Variants in HIGD1A observed in about 807,000 individuals in gnomAD.
HIGD1A encodes HIG1 domain family member 1A, mitochondrial.
A neutral mutation model predicts 11.3 loss-of-function variants in HIGD1A; 8 were observed. The observed-to-expected ratio is 0.71, with a 90% CI of 0.42 to 1.28. The LOEUF is 1.28. HIGD1A is among the 50% of genes most tolerant of loss of function. The probability of loss-of-function intolerance (pLI) is 0.01; values close to 1 mark genes in which losing one functional copy is unlikely to be tolerated. For missense variants in HIGD1A, 107 were observed against 118.8 expected (o/e 0.90, Z 0.46); for synonymous variants, 32 against 38.4 (o/e 0.83, Z 0.62).
chr3:42,793,105 T>C (rs1034195927), intron 2 of HIGD1A, among the ~76,000 whole-genome samples: 4 of 151,826 alleles, frequency 2.6e-5, no homozygotes, highest in Admixed American at 6.6e-5. Context: ...AAAAAACAAC[T>C]GGAGAAATAT....
intron 2 of HIGD1A, among the ~76,000 whole-genome samples, chr3:42,792,350 T>C (rs1257867690): frequency 6.6e-6 from 1 of 152,224 alleles, no homozygotes; most frequent in East Asian, 1.9e-4. Context: ...ACAACAGTAA[T>C]TTATATCATA....
chr3:42,791,179 T>C (rs1700417767), intron 2 of HIGD1A, among the ~76,000 whole-genome samples: 1 of 152,190 alleles, frequency 6.6e-6, no homozygotes, highest in Admixed American at 6.5e-5. Context: ...CCCAAATCAC[T>C]GTGATAGAAA....
chr3:42,788,843 A>C (rs1276664664), intron 2 of HIGD1A, among the ~76,000 whole-genome samples: 1 of 151,660 alleles, frequency 6.6e-6, no homozygotes, highest in East Asian at 2.0e-4. Context: ...CTGCCACTGC[A>C]CTCCAGCCTG....
intron 2 of HIGD1A, 118 bp from the exon 3 acceptor site, chr3:42,786,280 C>A: frequency 8.5e-7 from 1 of 1,172,938 alleles, no homozygotes. Flanking sequence ...CATTAATTAG[C>A]TAACATACAA....
intron 1 of HIGD1A, among the ~76,000 whole-genome samples, chr3:42,800,924 T>A (rs1207719458): frequency 6.6e-6 from 1 of 152,214 alleles, no homozygotes; most frequent in African/African-American, 2.4e-5. Context: ...GCTCCTGTCA[T>A]TTATCATTCT....
Position 42,783,432 on chromosome 3 carries a change from T to C in HIGD1A, c.*1839A>G, listed in dbSNP as rs996536201. 3.3e-5 allele frequency among the ~76,000 whole-genome samples: 5 copies of C among 152,044 alleles called. No individual in the cohort carries two copies. Among genetic ancestry groups the C allele is most frequent in the African/African-American group, 1.2e-4 (5 of 41,478 alleles). On this transcript the variant is annotated 3_prime_UTR_variant, in exon 4 of 4. Transcript: ENST00000321331. Reference sequence around the variant, plus strand: ...GCCAGGAGTTCAAGATCATCCAACATGGTGAAACCTCGCCTTTACTAAAAA... The same window carrying C: ...GCCAGGAGTTCAAGATCATCCAACACGGTGAAACCTCGCCTTTACTAAAAA...
chr3:42,789,382 T>C (rs907937068), intron 2 of HIGD1A, among the ~76,000 whole-genome samples: 1 of 152,006 alleles, frequency 6.6e-6, no homozygotes, highest in Non-Finnish European at 1.5e-5. Context: ...TAAGAAAATC[T>C]TGGCCAGGAG....
chr3:42,785,936 C>T (rs766374459), intron 3 of HIGD1A, 92 bp downstream of exon 3: 4 of 1,187,718 alleles, frequency 3.4e-6, no homozygotes. Flanking sequence ...TCTCCAACTG[C>T]TAAAAGGTCA....
chr3:42,801,937 G>C (rs1700569884), intron 1 of HIGD1A, among the ~76,000 whole-genome samples: 1 of 152,230 alleles, frequency 6.6e-6, no homozygotes. Context: ...GGCTGAGGCA[G>C]GAGGGCTGCT....
chr3:42,803,308 G>C (rs957813840), intron 1 of HIGD1A, among the ~76,000 whole-genome samples: 3 of 152,196 alleles, frequency 2.0e-5, no homozygotes, highest in Admixed American at 6.5e-5. Context: ...TTGAATGAAG[G>C]ATCTTTCTTC....
chr3:42,789,511 A>C (rs1700393631), intron 2 of HIGD1A, among the ~76,000 whole-genome samples: 1 of 151,266 alleles, frequency 6.6e-6, no homozygotes, highest in Non-Finnish European at 1.5e-5. Context: ...CAAAAAAAAA[A>C]AATTTTAATA....
chr3:42,787,223 T>C (rs147890020), intron 2 of HIGD1A, among the ~76,000 whole-genome samples: 2 of 151,726 alleles, frequency 1.3e-5, no homozygotes, highest in African/African-American at 4.8e-5. Flanking sequence ...AAAAAACACA[T>C]CCTAGTTTGA....
chr3:42,786,040 C>G lies in HIGD1A; in HGVS notation c.220G>C (p.Ala74Pro), dbSNP rs746819543. The change falls in exon 3 of 4, where the codon GCA (alanine) becomes CCA (proline). Residue 74 changes from alanine (A) to proline (P), a missense_variant. Ala to Pro is a conservative substitution (Grantham distance 27). Transcript: ENST00000321331. The part of the protein sequence containing the change: ...RVAAQGFVVG[A>P]MTVGMGYSMY... ...TATAGGAACCTACCAACAGTCATTGCTCCTACAACAAAGCCTTGGGCTGCC... is the reference window on the plus strand; with the variant it reads ...TATAGGAACCTACCAACAGTCATTGGTCCTACAACAAAGCCTTGGGCTGCC... 1 of 1,612,548 alleles carries G rather than the reference C, an allele frequency of 6.2e-7. No individual in the cohort carries two copies. Among genetic ancestry groups the G allele is most frequent in the Non-Finnish European group, 8.5e-7 (1 of 1,179,944 alleles).
intron 2 of HIGD1A, among the ~76,000 whole-genome samples, chr3:42,789,233 G>T (rs1575358721): frequency 6.6e-6 from 1 of 151,668 alleles, no homozygotes; most frequent in Non-Finnish European, 1.5e-5. Context: ...GTAGAGATGG[G>T]GTTTCCCCAC....
rs1396301294 is a variant in HIGD1A, at chr3:42,784,862, G to A, written c.*409C>T. Reference sequence around the variant, plus strand: ...AGCCAGCCAGTCCACAAAACAGGCAGACAAAAGTTGAATTAACTGGGGCAA... The same window carrying A: ...AGCCAGCCAGTCCACAAAACAGGCAAACAAAAGTTGAATTAACTGGGGCAA... On this transcript the variant is annotated 3_prime_UTR_variant, in exon 4 of 4. Transcript: ENST00000321331. The A allele has an allele frequency of 6.0e-6, 1 of 166,838 alleles. No individual in the cohort carries two copies. The highest frequency in any genetic ancestry group is 1.3e-5 in the Non-Finnish European group (1 of 77,976). The allele number at this position is 166,838 out of a possible 1,614,324, so 10.3% of individuals were successfully genotyped here. A position where few individuals can be genotyped will look rare whatever the true frequency, so the allele number is the denominator to read the frequency against.
intron 3 of HIGD1A, 25 bp downstream of exon 3, chr3:42,786,003 T>C (rs145957085): frequency 2.5e-6 from 4 of 1,610,520 alleles, no homozygotes; most frequent in Non-Finnish European, 3.4e-6. Flanking sequence ...GAAACGAAAA[T>C]TTGAAATTTC....
intron 2 of HIGD1A, among the ~76,000 whole-genome samples, chr3:42,790,068 C>T (rs1281851898): frequency 6.6e-6 from 1 of 152,070 alleles, no homozygotes; most frequent in Non-Finnish European, 1.5e-5. Context: ...AAAAAGTTCC[C>T]TTTAAAGATC....
At chr3:42,794,694 T>C (rs1275976372) in intron 1 of HIGD1A, among the ~76,000 whole-genome samples, 1 of 152,212 alleles carries the variant, frequency 6.6e-6, no homozygotes, top group Non-Finnish European at 1.5e-5. Flanking sequence ...AATATCATGT[T>C]GGAAATCCTA....
chr3:42,804,051 G>A, intron 1 of HIGD1A: 1 of 1,079,176 alleles, frequency 9.3e-7, no homozygotes, highest in Non-Finnish European at 1.4e-6. Flanking sequence ...TCTTCAGAAT[G>A]TTCCAAGCTC....
Sources: allele counts gnomAD v4.1 joint callset (sites outside exome capture counted in the v4.1 genomes callset), GRCh38; gene constraint gnomAD v4.1.1; transcripts MANE v1.5; gene names NCBI Gene and HGNC (gene_info 2026-07-23, HGNC 2026-07-21).